Variants in TENM1 observed in about 807,000 individuals in gnomAD.
TENM1 encodes the protein teneurin-1.
A neutral mutation model predicts 174.8 loss-of-function variants in TENM1; 35 were observed. The observed-to-expected ratio is 0.20, with a 90% CI of 0.15 to 0.27. The LOEUF (loss-of-function observed/expected upper bound fraction) is 0.27. Ranked by LOEUF, TENM1 falls within the 10% of genes least tolerant of loss-of-function variation. The pLI is 1.00. For missense variants in TENM1, 1,633 were observed against 2,130.1 expected (o/e 0.77, Z 4.59); for synonymous variants, 781 against 798.7 (o/e 0.98, Z 0.37).
intron 3 of TENM1, among the ~76,000 whole-genome samples, chrX:124,868,991 G>A (rs1183681841): frequency 2.8e-5 from 3 of 107,031 alleles, no homozygotes; most frequent in African/African-American, 6.9e-5. Flanking sequence ...TTGGGAGGCC[G>A]AGGCAGGTGG....
chrX:125,035,261 A>G, the TENM1 span, among the ~76,000 whole-genome samples: 1 of 111,600 alleles, frequency 9.0e-6, no homozygotes, highest in Non-Finnish European at 1.9e-5. Flanking sequence ...TGTAGAGTTG[A>G]TAAGAGCACC....
At chrX:124,618,718 A>C (rs1357845024) in intron 11 of TENM1, among the ~76,000 whole-genome samples, 1 of 111,893 alleles carries the variant, frequency 8.9e-6, no homozygotes, top group East Asian at 2.8e-4. Flanking sequence ...CTTCATTTCC[A>C]TATTACACAC....
the TENM1 span, among the ~76,000 whole-genome samples, chrX:124,996,690 C>T: frequency 2.7e-5 from 3 of 110,809 alleles, no homozygotes; most frequent in African/African-American, 9.8e-5. Flanking sequence ...AATATATACT[C>T]ATCAAATAAG....
intron 20 of TENM1, among the ~76,000 whole-genome samples, chrX:124,495,357 G>T (rs1023728026): frequency 2.7e-5 from 3 of 109,215 alleles, no homozygotes; most frequent in Middle Eastern, 4.2e-3. Context: ...TTTTGATGGG[G>T]TTGTTTGTTT....
chrX:124,737,193 C>T (rs1175595614), exon 4 of TENM1: 1 of 1,198,402 alleles, frequency 8.3e-7, no homozygotes, highest in Non-Finnish European at 1.1e-6. Context: ...GGCTGCTCTG[C>T]ACATCTAAAG....
At chrX:124,742,677 G>A (rs1049487148) in intron 3 of TENM1, among the ~76,000 whole-genome samples, 1 of 110,796 alleles carries the variant, frequency 9.0e-6, no homozygotes, top group Non-Finnish European at 1.9e-5. Flanking sequence ...TGTAAAATTT[G>A]AAAAATTCTA....
At chrX:124,558,090 T>C (rs2048733934) in intron 14 of TENM1, among the ~76,000 whole-genome samples, 1 of 112,174 alleles carries the variant, frequency 8.9e-6, no homozygotes, top group African/African-American at 3.2e-5. Context: ...CTTTCCTTTT[T>C]TGCACTTAAG....
intron 3 of TENM1, among the ~76,000 whole-genome samples, chrX:124,811,999 GA>G (rs1407938982): frequency 9.0e-6 from 1 of 111,308 alleles, no homozygotes; most frequent in Non-Finnish European, 1.9e-5. Context: ...TTCCAGAAGT[GA>G]AAATTGTATT....
chrX:124,843,612 T>C (rs961347597), intron 3 of TENM1, among the ~76,000 whole-genome samples: 3 of 112,014 alleles, frequency 2.7e-5, no homozygotes, highest in Admixed American at 9.5e-5. Flanking sequence ...AATTAATACA[T>C]TTATTCTTCA....
At chrX:124,478,974 C>T (rs945443444) in intron 22 of TENM1, among the ~76,000 whole-genome samples, 2 of 112,100 alleles carry the variant, frequency 1.8e-5, no homozygotes, top group Non-Finnish European at 3.8e-5. Context: ...TATGAAATCG[C>T]CCTGCAGCAT....
intron 3 of TENM1, among the ~76,000 whole-genome samples, chrX:124,798,639 G>T (rs995334278): frequency 9.0e-6 from 1 of 111,105 alleles, no homozygotes; most frequent in Non-Finnish European, 1.9e-5. Context: ...TCTGTAGGTT[G>T]CCTGTTCACT....
the TENM1 span, among the ~76,000 whole-genome samples, chrX:125,015,330 C>T: frequency 6.3e-5 from 7 of 111,656 alleles, no homozygotes; most frequent in African/African-American, 9.8e-5. Flanking sequence ...CCTCTCCCAG[C>T]GTATCAATAG....
chrX:124,934,674 G>A (rs2058219716), intron 1 of TENM1, among the ~76,000 whole-genome samples: 1 of 111,397 alleles, frequency 9.0e-6, no homozygotes, highest in East Asian at 2.8e-4. Flanking sequence ...GTGTTAGTCC[G>A]GCAGAAGATA....
chrX:124,467,385 C>T (rs1312420921), intron 22 of TENM1, among the ~76,000 whole-genome samples: 1 of 111,691 alleles, frequency 9.0e-6, no homozygotes, highest in African/African-American at 3.3e-5. Flanking sequence ...CTTCGGTCAA[C>T]GATAAAGCTG....
intron 3 of TENM1, among the ~76,000 whole-genome samples, chrX:124,867,362 A>G (rs1442606918): frequency 8.9e-6 from 1 of 112,318 alleles, no homozygotes; most frequent in Non-Finnish European, 1.9e-5. Flanking sequence ...GTGATACATC[A>G]TACAAACAGA....
At chrX:124,391,212 C>T (rs1031825042) in intron 28 of TENM1, among the ~76,000 whole-genome samples, 1 of 111,754 alleles carries the variant, frequency 8.9e-6, no homozygotes, top group African/African-American at 3.2e-5. Context: ...CATCTAGAAG[C>T]TACCTTGTAC....
At chrX:124,776,782 T>C (rs1254964875) in intron 3 of TENM1, among the ~76,000 whole-genome samples, 6 of 111,628 alleles carry the variant, frequency 5.4e-5, no homozygotes, top group Non-Finnish European at 7.5e-5. Flanking sequence ...CACACAAATA[T>C]TCCTTTTTTG....
chrX:125,052,704 G>A, the TENM1 span, among the ~76,000 whole-genome samples: 1 of 111,888 alleles, frequency 8.9e-6, no homozygotes, highest in African/African-American at 3.2e-5. Context: ...TTTTAATCCA[G>A]TGGACACATC....
At chrX:124,854,286 T>C (rs7066455) in intron 3 of TENM1, among the ~76,000 whole-genome samples, 1,880 of 111,300 alleles carry the variant, frequency 0.017, 28 homozygotes, top group African/African-American at 0.059. Flanking sequence ...TTCTCACTTA[T>C]AGGTGGGAGC....
Sources: gnomAD v4.1 joint callset for allele counts (sites outside exome capture counted in the v4.1 genomes callset) on GRCh38, gnomAD v4.1.1 for gene constraint, MANE v1.5 for transcripts, NCBI Gene and HGNC (gene_info 2026-07-23, HGNC 2026-07-21) for gene names.